MTMR3: variants seen among roughly 807,000 people sequenced by gnomAD.
MTMR3 encodes phosphatidylinositol-3,5-bisphosphate 3-phosphatase MTMR3.
In MTMR3, 32 loss-of-function variants were observed where a neutral mutation model predicts 132.4. That is an observed-to-expected ratio of 0.24 (90% CI 0.18 to 0.32). The LOEUF (loss-of-function observed/expected upper bound fraction) is 0.32. MTMR3 is among the 10% of genes least tolerant of loss of function. MTMR3 has a pLI of 1.00. For missense variants in MTMR3, 1,216 were observed against 1,489.6 expected, an observed-to-expected ratio of 0.82 and a Z score of 3.02; for synonymous variants, 556 against 550.3, an observed-to-expected ratio of 1.01 and a Z score of -0.14.
At chr22:30,001,937 TTG>T in intron 8 of MTMR3, 1 of 152,276 alleles carries the variant, frequency 6.6e-6, no homozygotes, top group South Asian at 2.1e-4. Flanking sequence ...CTAAGCCATT[TTG>T]TGTTTTTCTG....
chr22:30,002,778 C>A, intron 8 of MTMR3, 102 bp from the exon 9 acceptor site: 1 of 856,514 alleles, frequency 1.2e-6, no homozygotes, highest in Non-Finnish European at 1.9e-6. Flanking sequence ...GCAGTGAGAT[C>A]ATCATCCTTA....
intron 1 of MTMR3, among the ~76,000 whole-genome samples, chr22:29,923,034 C>G (rs1487291153): frequency 6.8e-6 from 1 of 146,460 alleles, no homozygotes; most frequent in Admixed American, 6.9e-5. Flanking sequence ...ACTACCACAT[C>G]CAGCCAATTT....
chr22:29,959,620 C>G (rs952455825), intron 2 of MTMR3, among the ~76,000 whole-genome samples: 1 of 152,090 alleles, frequency 6.6e-6, no homozygotes, highest in Non-Finnish European at 1.5e-5. Context: ...TTCCAGTGAT[C>G]CATCTGTCTC....
intron 1 of MTMR3, among the ~76,000 whole-genome samples, chr22:29,953,365 C>T (rs910623707): frequency 2.0e-5 from 3 of 152,116 alleles, no homozygotes; most frequent in Admixed American, 6.6e-5. Context: ...ATTATATAAA[C>T]GGTACAAATT....
chr22:29,998,249 A>G (rs1192392020), intron 7 of MTMR3: 1 of 152,382 alleles, frequency 6.6e-6, no homozygotes, highest in Non-Finnish European at 1.5e-5. Flanking sequence ...CTTGATCAGA[A>G]TTAATTTCTT....
Position 30,016,647 on chromosome 22 carries a change from G to T in MTMR3, c.1623G>T (p.Arg541=). 2 of 1,614,164 alleles carry T rather than the reference G, an allele frequency of 1.2e-6. No homozygotes were observed. Among genetic ancestry groups the T allele is most frequent in the Non-Finnish European group, 1.7e-6 (2 of 1,180,042 alleles). ...ERTCSVWSLL[R]AGNKAFKNLL... is the part of the protein sequence containing the mutation. ...CATGTTCCGTGTGGTCACTTCTTCG[G>T]GCAGGCAACAAGGCTTTCAAAAACC... is the stretch of plus-strand genomic sequence containing the variant. Residue 541 remains arginine (R), a synonymous_variant, in exon 15 of 20, where the codon CGG becomes CGT. Transcript: ENST00000401950.
At chr22:29,924,368 C>G (rs1317714942) in intron 1 of MTMR3, among the ~76,000 whole-genome samples, 3 of 152,086 alleles carry the variant, frequency 2.0e-5, no homozygotes, top group African/African-American at 7.2e-5. Flanking sequence ...AATCATTTGA[C>G]CATATATGTA....
intron 1 of MTMR3, among the ~76,000 whole-genome samples, chr22:29,953,555 T>G (rs752266821): frequency 2.4e-4 from 36 of 152,182 alleles, no homozygotes; most frequent in Non-Finnish European, 4.4e-4. Flanking sequence ...GTATATTGTG[T>G]TAGGTCCCCC....
Position 29,949,500 on chromosome 22 carries a change from GC to G in MTMR3, c.-137-7527del, listed in dbSNP as rs143403970. Among the ~76,000 whole-genome samples, 119 of 94,736 alleles carry G rather than the reference GC, an allele frequency of 1.3e-3. 2 individuals are homozygous for G. In the Middle Eastern group the frequency reaches 0.021, roughly 16 times the overall value. The allele number at this position is 94,736 out of a possible 152,430, so 62.2% of individuals were successfully genotyped here. ...GATAAAGTAAGACTCTGTCCCCCGCGCCCCCCCCCAAAAAAAAAAAACAACA... is the reference window on the plus strand; with the variant it reads ...GATAAAGTAAGACTCTGTCCCCCGCGCCCCCCCCAAAAAAAAAAAACAACA... On this transcript the variant is annotated intron_variant, in intron 1 of 19. Coordinates refer to ENST00000401950, the MANE Select transcript of MTMR3 (RefSeq NM_021090.4).
chr22:30,019,853 C>T lies in MTMR3; in HGVS notation c.2194C>T (p.Pro732Ser), dbSNP rs775259529. Residue 732 changes from proline to serine, a missense_variant, in exon 17 of 20, where the codon CCT becomes TCT. Physicochemically the swap from Pro to Ser is moderately conservative, Grantham distance 74 (BLOSUM62 -1). This residue lies in a region of MTMR3 where 852 missense variants were observed against 852.0 expected (regional missense o/e 1.00). Coordinates refer to ENST00000401950, the MANE Select transcript of MTMR3 (RefSeq NM_021090.4). The part of the protein sequence containing the change: ...LLEKESRRKT[P>S]EASAIGLHQD... ...AGAAAAGGAGAGCAGGAGGAAGACACCTGAGGCCTCAGCCATTGGACTTCA... is the reference window on the plus strand; with the variant it reads ...AGAAAAGGAGAGCAGGAGGAAGACATCTGAGGCCTCAGCCATTGGACTTCA... 2.5e-6 allele frequency: 4 copies of T among 1,614,186 alleles called. No homozygotes were observed. Among genetic ancestry groups the T allele is most frequent in the Non-Finnish European group, 3.4e-6 (4 of 1,180,028 alleles).
At chr22:29,965,034 C>A (rs2066387733) in intron 2 of MTMR3, among the ~76,000 whole-genome samples, 2 of 152,070 alleles carry the variant, frequency 1.3e-5, no homozygotes, top group South Asian at 2.1e-4. Context: ...TGGCCTTGCC[C>A]CACCAAGTAG....
intron 1 of MTMR3, among the ~76,000 whole-genome samples, chr22:29,916,960 A>AG (rs2065321056): frequency 6.6e-6 from 1 of 152,166 alleles, no homozygotes; most frequent in African/African-American, 2.4e-5. Context: ...CAGTAGTTTG[A>AG]GCTTTAAGAT....
chr22:29,915,073 T>C (rs1365064155), intron 1 of MTMR3, among the ~76,000 whole-genome samples: 1 of 152,302 alleles, frequency 6.6e-6, no homozygotes, highest in East Asian at 1.9e-4. Context: ...TATGGTCTAT[T>C]GTGGTGAATG....
rs754173348 is a variant in MTMR3 at position 29,998,849 on chromosome 22, G to A, written c.549G>A (p.Glu183=). 4 of 1,609,464 alleles carry A rather than the reference G, an allele frequency of 2.5e-6. No individual in the cohort carries two copies. The highest frequency in any genetic ancestry group is 3.4e-6 in the Non-Finnish European group (4 of 1,177,248). ...NNAWRISNIN[E]KYKLCGSYPQ... ...CCTGGAGGATTTCCAACATCAATGAGAAGTACAAGTGAGTTATATGGGTCC... is the reference window on the plus strand; with the variant it reads ...CCTGGAGGATTTCCAACATCAATGAAAAGTACAAGTGAGTTATATGGGTCC... The change falls in exon 8 of 20, where the codon GAG becomes GAA. Residue 183 remains glutamate (E), a synonymous_variant. Coordinates refer to ENST00000401950, the MANE Select transcript of MTMR3 (RefSeq NM_021090.4).
intron 2 of MTMR3, among the ~76,000 whole-genome samples, chr22:29,958,194 TCCTTTTCATAGA>T (rs1192836458): frequency 6.6e-6 from 1 of 152,194 alleles, no homozygotes; most frequent in African/African-American, 2.4e-5. Context: ...TCAAAAAATG[TCCTTTTCATAGA>T]CCTTTGTGTG....
intron 1 of MTMR3, among the ~76,000 whole-genome samples, chr22:29,899,222 G>A (rs1733170945): frequency 6.6e-6 from 1 of 152,148 alleles, no homozygotes; most frequent in South Asian, 2.1e-4. Flanking sequence ...TTGTCCACAT[G>A]TAGATAGTCC....
intron 2 of MTMR3, among the ~76,000 whole-genome samples, chr22:29,966,806 T>C (rs1006438161): frequency 1.3e-5 from 2 of 151,602 alleles, no homozygotes; most frequent in Non-Finnish European, 2.9e-5. Flanking sequence ...AGAGAATGTT[T>C]CTTTATGAAC....
intron 1 of MTMR3, among the ~76,000 whole-genome samples, chr22:29,914,403 GA>G (rs1418579618): frequency 6.6e-6 from 1 of 152,170 alleles, no homozygotes; most frequent in Non-Finnish European, 1.5e-5. Flanking sequence ...TGTCTTTGGT[GA>G]AGTGTCTGTT....
chr22:30,019,947 A>G lies in MTMR3; in HGVS notation c.2288A>G (p.Gln763Arg). 6.2e-7 allele frequency: 1 copy of G among 1,614,206 alleles called. No homozygotes were observed. Among genetic ancestry groups the G allele is most frequent in the Non-Finnish European group, 8.5e-7 (1 of 1,180,032 alleles). ...GATATGAGCTGGCCTCTGTTCTCAC[A>G]GGGCATTTCTGAACAGCAGAGTGGG... ...HLDMSWPLFSQGISEQQSGLS... is the reference protein window; with the variant it reads ...HLDMSWPLFSRGISEQQSGLS... Residue 763 changes from glutamine to arginine, a missense_variant, in exon 17 of 20, where the codon CAG (glutamine) becomes CGG (arginine). Gln to Arg is a conservative substitution (Grantham distance 43). Around this residue, in one of 7 missense-constraint regions of MTMR3, gnomAD observed 852 missense variants for 852.0 expected, o/e 1.00. Coordinates refer to ENST00000401950, the MANE Select transcript of MTMR3 (RefSeq NM_021090.4).
Sources: allele counts gnomAD v4.1 joint callset (sites outside exome capture counted in the v4.1 genomes callset), GRCh38; gene constraint gnomAD v4.1.1; regional missense constraint gnomAD v4.1.1; transcripts MANE v1.5; gene names NCBI Gene and HGNC (gene_info 2026-07-23, HGNC 2026-07-21).